The following FRMD4A variants were observed in gnomAD, a reference collection of about 807,000 sequenced individuals.
FRMD4A encodes FERM domain-containing protein 4A.
FRMD4A carries 29 observed loss-of-function variants against 129.1 expected under a neutral mutation model. That is an observed-to-expected ratio of 0.22 (90% confidence interval 0.17 to 0.31). The LOEUF (loss-of-function observed/expected upper bound fraction) is 0.31, where lower values mean the gene tolerates loss of function less well. FRMD4A is among the 10% of genes least tolerant of loss of function. The pLI is 1.00. For synonymous variants in FRMD4A, 634 were observed against 571.6 expected (o/e 1.11, Z -1.56); for missense variants, 1,272 against 1,375.8 (o/e 0.92, Z 1.19).
chr10:13,779,515 C>T (rs943556307), intron 6 of FRMD4A, among the ~76,000 whole-genome samples: 1 of 152,082 alleles, frequency 6.6e-6, no homozygotes, highest in African/African-American at 2.4e-5. Context: ...CTAACTAATC[C>T]TCACACTTCA....
intron 2 of FRMD4A, among the ~76,000 whole-genome samples, chr10:14,322,078 T>A (rs1843080424): frequency 6.6e-6 from 1 of 152,082 alleles, no homozygotes; most frequent in African/African-American, 2.4e-5. Context: ...AAACTGTGAG[T>A]CAATTAAACC....
intron 2 of FRMD4A, among the ~76,000 whole-genome samples, chr10:14,080,239 C>G (rs893602308): frequency 6.6e-6 from 1 of 152,182 alleles, no homozygotes; most frequent in Non-Finnish European, 1.5e-5. Context: ...TACCCTGCAG[C>G]TGGAGTGTCT....
At chr10:13,763,311 C>G (rs1307991434) in intron 6 of FRMD4A, among the ~76,000 whole-genome samples, 1 of 152,300 alleles carries the variant, frequency 6.6e-6, no homozygotes, top group East Asian at 1.9e-4. Context: ...AACTTCAGAA[C>G]TTTCTTTCTA....
chr10:14,112,676 C>T (rs1348836364), intron 2 of FRMD4A, among the ~76,000 whole-genome samples: 7 of 152,104 alleles, frequency 4.6e-5, no homozygotes, highest in Non-Finnish European at 8.8e-5. Flanking sequence ...TAGGTGTCTG[C>T]CACCACATCT....
At chr10:13,772,132 TTATATAATATATAATAAAGA>T (rs1231160083) in intron 6 of FRMD4A, among the ~76,000 whole-genome samples, 4 of 143,902 alleles carry the variant, frequency 2.8e-5, no homozygotes, top group Non-Finnish European at 6.0e-5. Flanking sequence ...AATATATATA[TTATATAATATATAATAAAGA>T]TATATAATAT....
chr10:14,089,467 A>C (rs1217019264), intron 2 of FRMD4A, among the ~76,000 whole-genome samples: 2 of 152,146 alleles, frequency 1.3e-5, no homozygotes, highest in African/African-American at 4.8e-5. Flanking sequence ...TCCCCGCAGC[A>C]TGCTGGGCAC....
At chr10:14,188,603 A>T (rs1174294830) in intron 2 of FRMD4A, among the ~76,000 whole-genome samples, 1 of 152,220 alleles carries the variant, frequency 6.6e-6, no homozygotes, top group Non-Finnish European at 1.5e-5. Flanking sequence ...AATAGACATT[A>T]GCTTTCTTCA....
intron 6 of FRMD4A, among the ~76,000 whole-genome samples, chr10:13,779,775 C>T (rs1456875705): frequency 1.7e-5 from 2 of 118,990 alleles, no homozygotes; most frequent in Admixed American, 9.6e-5. Flanking sequence ...TAAACTTATG[C>T]AAAATTCACT....
intron 2 of FRMD4A, among the ~76,000 whole-genome samples, chr10:14,257,860 A>G (rs1844669475): frequency 6.6e-6 from 1 of 152,202 alleles, no homozygotes; most frequent in Non-Finnish European, 1.5e-5. Flanking sequence ...AGCTTCCAGA[A>G]CTGTAAGAAA....
At chr10:13,909,611 G>A (rs1217554344) in intron 2 of FRMD4A, among the ~76,000 whole-genome samples, 1 of 152,190 alleles carries the variant, frequency 6.6e-6, no homozygotes, top group Non-Finnish European at 1.5e-5. Context: ...AATTATTATG[G>A]ATGTACGAAC....
At chr10:13,972,685 T>G (rs1418509516) in intron 2 of FRMD4A, among the ~76,000 whole-genome samples, 1 of 152,232 alleles carries the variant, frequency 6.6e-6, no homozygotes, top group Non-Finnish European at 1.5e-5. Context: ...TAAGTTGTTT[T>G]GATTGTTGAT....
chr10:14,109,841 G>T (rs1322243396), intron 2 of FRMD4A, among the ~76,000 whole-genome samples: 2 of 151,596 alleles, frequency 1.3e-5, no homozygotes, highest in African/African-American at 4.9e-5. Flanking sequence ...GTGTGGTGGC[G>T]GGCGCCTGTA....
intron 4 of FRMD4A, among the ~76,000 whole-genome samples, chr10:13,804,523 T>TTTTCTTTCTTTCTTTC (rs35515807): frequency 7.6e-4 from 111 of 146,754 alleles, no homozygotes; most frequent in African/African-American, 2.6e-3. Flanking sequence ...AGTCAGGACT[T>TTTTCTTTCTTTCTTTC]TTTCTTTCTT....
At chr10:13,691,536 C>T (rs564556553) in intron 15 of FRMD4A, among the ~76,000 whole-genome samples, 42 of 152,154 alleles carry the variant, frequency 2.8e-4, no homozygotes, top group Non-Finnish European at 5.3e-4. Context: ...AAGAGAGTCT[C>T]CCCAATTAAA....
At chr10:14,023,510 C>T (rs1309653720) in intron 2 of FRMD4A, among the ~76,000 whole-genome samples, 5 of 152,166 alleles carry the variant, frequency 3.3e-5, no homozygotes, top group African/African-American at 4.8e-5. Context: ...GCCGCCTTCC[C>T]GGGGGCAGCG....
At chr10:13,924,369 T>G (rs2095106222) in intron 2 of FRMD4A, among the ~76,000 whole-genome samples, 1 of 151,972 alleles carries the variant, frequency 6.6e-6, no homozygotes, top group Non-Finnish European at 1.5e-5. Context: ...GGAAATCTCC[T>G]TTCTACCCCA....
chr10:13,753,506 C>T (rs2091723527), intron 8 of FRMD4A, among the ~76,000 whole-genome samples: 1 of 149,952 alleles, frequency 6.7e-6, no homozygotes, highest in Non-Finnish European at 1.5e-5. Context: ...TTGGGGGCAA[C>T]ATTGCAAACA....
intron 8 of FRMD4A, among the ~76,000 whole-genome samples, chr10:13,757,933 AG>A (rs1345825685): frequency 6.6e-6 from 1 of 152,132 alleles, no homozygotes; most frequent in Admixed American, 6.6e-5. Flanking sequence ...TAGTAGAGAC[AG>A]GGTTTCACCA....
chr10:14,323,601 CCCCTTCTGATAAAATAGCATCCT>C (rs2003142938), intron 2 of FRMD4A, among the ~76,000 whole-genome samples: 2 of 152,162 alleles, frequency 1.3e-5, no homozygotes, highest in Non-Finnish European at 2.9e-5. Flanking sequence ...TTCCTAGCAT[CCCCTTCTGATAAAATAGCATCCT>C]CCCTCCTGAT....
Sources: gnomAD v4.1 joint callset for allele counts (sites outside exome capture counted in the v4.1 genomes callset) on GRCh38, gnomAD v4.1.1 for gene constraint, MANE v1.5 for transcripts, NCBI Gene and HGNC (gene_info 2026-07-23, HGNC 2026-07-21) for gene names.